The following GNG7 variants were observed in gnomAD, a reference collection of about 807,000 sequenced individuals.
GNG7 encodes G protein subunit gamma 7, also known as guanine nucleotide-binding protein G(I)/G(S)/G(O) subunit gamma-7.
In GNG7, 1 loss-of-function variant was observed where a neutral mutation model predicts 4.0. That is an observed-to-expected ratio of 0.25 (90% CI 0.09 to 1.18). GNG7 has a LOEUF of 1.18. GNG7 is among the 50% of genes most tolerant of loss of function. GNG7 has a pLI of 0.50. For missense variants in GNG7, 86 were observed against 91.9 expected, an observed-to-expected ratio of 0.94 and a Z score of 0.26; for synonymous variants, 34 against 36.9, an observed-to-expected ratio of 0.92 and a Z score of 0.29.
At chr19:2,613,368 C>G (rs191842475) in intron 2 of GNG7, among the ~76,000 whole-genome samples, 2 of 152,204 alleles carry the variant, frequency 1.3e-5, no homozygotes, top group African/African-American at 2.4e-5. Context: ...GGTGTCTACA[C>G]TACCTGGAGA....
At chr19:2,622,135 A>C (rs1476965629) in intron 2 of GNG7, among the ~76,000 whole-genome samples, 1 of 150,754 alleles carries the variant, frequency 6.6e-6, no homozygotes, top group Non-Finnish European at 1.5e-5. Flanking sequence ...GCTGGAGTGC[A>C]GTGGCGAGAT....
chr19:2,616,394 G>T (rs1981725217), intron 2 of GNG7, among the ~76,000 whole-genome samples: 1 of 152,004 alleles, frequency 6.6e-6, no homozygotes, highest in Admixed American at 6.6e-5. Flanking sequence ...ACAGGCGTGT[G>T]CCACCGTGCC....
rs1981749377 is a variant in GNG7, at chr19:2,617,359, C to G, written c.-78+28865G>C. Among the ~76,000 whole-genome samples the G allele has an allele frequency of 6.6e-6, 1 of 152,242 alleles. No homozygotes were observed. Among genetic ancestry groups the G allele is most frequent in the Admixed American group, 6.5e-5 (1 of 15,284 alleles). Reference sequence around the variant, plus strand: ...AGCCATCCAGGCACTGAGCCCGGCCCAGCCCTGCAGCTCTGACCCTGCCTT... The same window carrying G: ...AGCCATCCAGGCACTGAGCCCGGCCGAGCCCTGCAGCTCTGACCCTGCCTT... On this transcript the variant is annotated intron_variant, in intron 2 of 4. Transcript: ENST00000382159. This position sits in a 1 kb window ranked among gnomAD's most constrained non-coding sequence, Gnocchi z 4.7.
intron 2 of GNG7, among the ~76,000 whole-genome samples, chr19:2,638,230 G>A (rs969968851): frequency 6.6e-6 from 1 of 151,064 alleles, no homozygotes; most frequent in Non-Finnish European, 1.5e-5. Flanking sequence ...GGGCGTGGTG[G>A]CATGCACCTG....
At position 2,512,104 on chromosome 19, in the gene GNG7, T is replaced by C; in HGVS notation, c.*2918A>G. 1.0e-6 allele frequency: 1 copy of C among 985,682 alleles called. No homozygotes were observed. The highest frequency in any genetic ancestry group is 1.7e-5 in the African/African-American group (1 of 57,264). 61.1% of individuals were successfully genotyped at this position (985,682 alleles called of 1,614,324 possible). ...GTGTGTGTGCGTGGGTGGGGGTGAGTGTCCTTAACTCTCTTTTCCCCTGGC... is the reference window on the plus strand; with the variant it reads ...GTGTGTGTGCGTGGGTGGGGGTGAGCGTCCTTAACTCTCTTTTCCCCTGGC... On this transcript the variant is annotated 3_prime_UTR_variant, in exon 5 of 5. Coordinates refer to ENST00000382159, the MANE Select transcript of GNG7 (RefSeq NM_052847.3). The surrounding 1 kb of genome is among the most constrained non-coding windows in gnomAD (Gnocchi z 4.7).
chr19:2,571,616 G>C (rs145236835), intron 2 of GNG7, among the ~76,000 whole-genome samples: 1 of 60,354 alleles, frequency 1.7e-5, no homozygotes, highest in Non-Finnish European at 2.9e-5. Context: ...TTTTTTTTGA[G>C]ATGGAGTCTT....
At position 2,511,785 on chromosome 19, in the gene GNG7, T is replaced by G; in HGVS notation, c.*3237A>C. 1 of 984,450 alleles carries G rather than the reference T, an allele frequency of 1.0e-6. No individual in the cohort carries two copies. Among genetic ancestry groups the G allele is most frequent in the Non-Finnish European group, 1.2e-6 (1 of 828,740 alleles). 61.0% of individuals were successfully genotyped at this position (984,450 alleles called of 1,614,324 possible). A position where few individuals can be genotyped will look rare whatever the true frequency, so the allele number is the denominator to read the frequency against. ...CTTCCGCCCTGGCCCAGCCGCCCCG[T>G]TTATGTCCCCAGAGGCCAGAGGTCG... On this transcript the variant is annotated 3_prime_UTR_variant, in exon 5 of 5. Coordinates refer to ENST00000382159, the MANE Select transcript of GNG7 (RefSeq NM_052847.3). The surrounding 1 kb of genome is among the most constrained non-coding windows in gnomAD (Gnocchi z 6.3).
intron 3 of GNG7, among the ~76,000 whole-genome samples, chr19:2,535,082 CCAGTCATTCAGCCCACCACATCATT>C (rs1441077465): frequency 6.6e-6 from 1 of 152,126 alleles, no homozygotes; most frequent in Non-Finnish European, 1.5e-5. Flanking sequence ...AATCTTGGAG[CCAGTCATTCAGCCCACCACATCATT>C]CTCTCATGGC....
rs1403825344 is a variant in GNG7 at position 2,515,004 on chromosome 19, G to A, written c.*18C>T. The A allele has an allele frequency of 8.8e-6, 14 of 1,588,234 alleles. No homozygotes were observed. The highest frequency in any genetic ancestry group is 1.7e-5 in the Admixed American group (1 of 59,880). ...AGAGAGAAAGAGAGAGAGAGAGAGA[G>A]AACATATGAGAACACAGTTATAAAA... On this transcript the variant is annotated 3_prime_UTR_variant, in exon 5 of 5. Coordinates refer to ENST00000382159, the MANE Select transcript of GNG7 (RefSeq NM_052847.3).
chr19:2,659,735 TGAGC>T (rs1206151064), intron 1 of GNG7, among the ~76,000 whole-genome samples: 2 of 95,856 alleles, frequency 2.1e-5, no homozygotes, highest in African/African-American at 8.2e-5. Context: ...GGAATGAGTG[TGAGC>T]GAGGGAGGGA....
chr19:2,624,932 C>T (rs2144836428), intron 2 of GNG7, among the ~76,000 whole-genome samples: 1 of 152,366 alleles, frequency 6.6e-6, no homozygotes, highest in Non-Finnish European at 1.5e-5. Context: ...GCTCAGGGCA[C>T]AGAAGCCATC....
chr19:2,622,443 G>A (rs1981903074), intron 2 of GNG7, among the ~76,000 whole-genome samples: 2 of 152,264 alleles, frequency 1.3e-5, no homozygotes, highest in African/African-American at 4.8e-5. Context: ...GGTCAGTAAT[G>A]AGGGCTGGGG....
chr19:2,530,942 T>C (rs1406938634), intron 3 of GNG7, among the ~76,000 whole-genome samples: 1 of 152,112 alleles, frequency 6.6e-6, no homozygotes, highest in Non-Finnish European at 1.5e-5. Context: ...GTCCAGGGTT[T>C]CCTGAGGAGA....
intron 3 of GNG7, among the ~76,000 whole-genome samples, chr19:2,553,649 T>G (rs117618245): frequency 3.5e-5 from 3 of 85,442 alleles, no homozygotes; most frequent in African/African-American, 1.4e-4. Flanking sequence ...ATATGTTATA[T>G]TACATACATG....
At chr19:2,599,193 G>C (rs905509858) in intron 2 of GNG7, among the ~76,000 whole-genome samples, 1 of 152,164 alleles carries the variant, frequency 6.6e-6, no homozygotes, top group East Asian at 1.9e-4. Context: ...CAGAGCCCCA[G>C]CCTGCCTGCT....
intron 1 of GNG7, among the ~76,000 whole-genome samples, chr19:2,654,391 C>G (rs1008166229): frequency 6.6e-6 from 1 of 152,128 alleles, no homozygotes; most frequent in Non-Finnish European, 1.5e-5. Flanking sequence ...TGGGGCCATC[C>G]TGGGCACTGC....
chr19:2,666,322 G>A (rs1336623334), intron 1 of GNG7, among the ~76,000 whole-genome samples: 2 of 151,924 alleles, frequency 1.3e-5, no homozygotes, highest in African/African-American at 2.4e-5. Flanking sequence ...ACAGGCACCT[G>A]CCAACATGCC....
chr19:2,675,755 G>A (rs1200727134), intron 1 of GNG7, among the ~76,000 whole-genome samples: 1 of 152,238 alleles, frequency 6.6e-6, no homozygotes, highest in Admixed American at 6.5e-5. Flanking sequence ...CTGGTATGGA[G>A]TGGGTGGAGG....
intron 2 of GNG7, among the ~76,000 whole-genome samples, chr19:2,638,255 C>G (rs144602831): frequency 1.3e-5 from 2 of 149,614 alleles, no homozygotes; most frequent in Non-Finnish European, 3.0e-5. Context: ...CCCAGCTACT[C>G]GGGAGGCCGA....
Sources: allele counts gnomAD v4.1 joint callset (sites outside exome capture counted in the v4.1 genomes callset), GRCh38; gene constraint gnomAD v4.1.1; non-coding constraint Gnocchi (gnomAD v3.1); transcripts MANE v1.5; gene names NCBI Gene and HGNC (gene_info 2026-07-23, HGNC 2026-07-21).